SNRNP27: variants seen among roughly 807,000 people sequenced by gnomAD.
The protein encoded by SNRNP27 is U4/U6.U5 small nuclear ribonucleoprotein 27 kDa protein.
A neutral mutation model predicts 25.1 loss-of-function variants in SNRNP27; 22 were observed. The observed-to-expected ratio is 0.88, with a 90% confidence interval of 0.63 to 1.25. The LOEUF is 1.25. SNRNP27 is among the 50% of genes most tolerant of loss of function. The pLI is 0.00. For synonymous variants in SNRNP27, 66 were observed against 64.9 expected (o/e 1.02, Z -0.08); for missense variants, 150 against 202.3 (o/e 0.74, Z 1.57).
At chr2:69,898,730 G>GTGA (rs1676643755) in intron 4 of SNRNP27, among the ~76,000 whole-genome samples, 1 of 152,142 alleles carries the variant, frequency 6.6e-6, no homozygotes, top group African/African-American at 2.4e-5. Flanking sequence ...CTGTTTTGAG[G>GTGA]TGAGAAATTA....
At chr2:69,897,519 G>A in intron 4 of SNRNP27, 63 bp downstream of exon 4, 2 of 1,234,626 alleles carry the variant, frequency 1.6e-6, no homozygotes, top group Non-Finnish European at 1.2e-6. Flanking sequence ...ATCTTTCCAT[G>A]TTCTTTTCCA....
chr2:69,902,202 T>TCCTCCTC (rs1315039305), intron 4 of SNRNP27, among the ~76,000 whole-genome samples: 9 of 150,560 alleles, frequency 6.0e-5, no homozygotes, highest in South Asian at 4.2e-4. Context: ...CCTTCCTCCT[T>TCCTCCTC]CCTCCTTCCT....
Position 69,903,983 on chromosome 2 carries a change from AT to A in SNRNP27, c.414-261del, listed in dbSNP as rs903936936. Among the ~76,000 whole-genome samples the A allele has an allele frequency of 1.7e-3, 248 of 150,284 alleles. 1 individual carries two copies. The highest frequency in any genetic ancestry group is 3.4e-3 in the Middle Eastern group (1 of 292). On this transcript the variant is annotated intron_variant, in intron 5 of 5. Transcript: ENST00000244227. ...TAAAATAAATAAGGATTTTCAATTG[AT>A]TTTTTTTTTAAGTCTGTAAATCTTC... is the stretch of plus-strand genomic sequence containing the variant.
At position 69,895,076 on chromosome 2, in the gene SNRNP27, T is replaced by C; in HGVS notation, c.35-18T>C. On this transcript the variant is annotated intron_variant, in intron 1 of 5. Coordinates refer to ENST00000244227, the MANE Select transcript of SNRNP27 (RefSeq NM_006857.3). ...TGAGGTAATTATCAGTTCTGCAATT[T>C]GTGTGCGTTTGCATTAGAACGTAGG... 6.2e-7 allele frequency: 1 copy of C among 1,611,360 alleles called. No homozygotes were observed. Among genetic ancestry groups the C allele is most frequent in the Non-Finnish European group, 8.5e-7 (1 of 1,179,526 alleles).
chr2:69,894,090 GT>G, intron 1 of SNRNP27, 72 bp downstream of exon 1: 3 of 1,417,118 alleles, frequency 2.1e-6, no homozygotes, highest in Non-Finnish European at 2.0e-6. Flanking sequence ...ATTTTGTTTT[GT>G]TTTTGGTAGC....
At chr2:69,896,368 T>C (rs1030430994) in intron 2 of SNRNP27, 68 bp from the exon 3 acceptor site, 1 of 1,429,394 alleles carries the variant, frequency 7.0e-7, no homozygotes, top group African/African-American at 1.4e-5. Context: ...ACCTCATGTA[T>C]ATCTGTGCTG....
chr2:69,899,065 G>T (rs1676649146), intron 4 of SNRNP27, among the ~76,000 whole-genome samples: 1 of 152,140 alleles, frequency 6.6e-6, no homozygotes, highest in Non-Finnish European at 1.5e-5. Context: ...TAGGTTTAAA[G>T]TTCCTGAAAG....
At chr2:69,902,741 C>A (rs1038596329) in intron 4 of SNRNP27, among the ~76,000 whole-genome samples, 2 of 152,038 alleles carry the variant, frequency 1.3e-5, no homozygotes, top group Non-Finnish European at 2.9e-5. Flanking sequence ...TCTTCTGCTG[C>A]TGCTGCTTCT....
intron 4 of SNRNP27, among the ~76,000 whole-genome samples, chr2:69,902,241 TCTCCTTC>T (rs927115190): frequency 6.8e-6 from 1 of 147,420 alleles, no homozygotes; most frequent in Non-Finnish European, 1.5e-5. Context: ...CCTTCTTTCT[TCTCCTTC>T]CTCCTTCCTT....
At chr2:69,896,676 G>GTTTT in intron 3 of SNRNP27, 128 bp downstream of exon 3, 23 of 675,326 alleles carry the variant, frequency 3.4e-5, no homozygotes, top group African/African-American at 5.9e-5. Flanking sequence ...GTTTTTTTTG[G>GTTTT]TTTTTTTTTT....
intron 4 of SNRNP27, 79 bp from the exon 5 acceptor site, chr2:69,903,102 C>A: frequency 8.8e-7 from 1 of 1,138,650 alleles, no homozygotes; most frequent in Non-Finnish European, 1.3e-6. Flanking sequence ...CATGCCACTG[C>A]CACCACACCT....
At chr2:69,903,305 T>A in intron 5 of SNRNP27, 60 bp downstream of exon 5, 1 of 1,135,046 alleles carries the variant, frequency 8.8e-7, no homozygotes, top group Non-Finnish European at 1.3e-6. Flanking sequence ...CTTCAAACTT[T>A]ATTATGAGAT....
intron 1 of SNRNP27, among the ~76,000 whole-genome samples, chr2:69,894,439 C>T (rs943944387): frequency 3.9e-5 from 6 of 152,016 alleles, no homozygotes; most frequent in Non-Finnish European, 8.8e-5. Context: ...TGTCACATCC[C>T]ATAACATACA....
intron 4 of SNRNP27, among the ~76,000 whole-genome samples, chr2:69,901,778 G>A (rs2104124070): frequency 6.6e-6 from 1 of 152,274 alleles, no homozygotes; most frequent in African/African-American, 2.4e-5. Context: ...CTATGATCAC[G>A]CCACTGCACT....
chr2:69,894,923 G>A (rs928008991), intron 1 of SNRNP27, among the ~76,000 whole-genome samples, 171 bp from the exon 2 acceptor site: 1 of 152,066 alleles, frequency 6.6e-6, no homozygotes, highest in African/African-American at 2.4e-5. Flanking sequence ...CTTGTGATCC[G>A]CCCGCCAGCC....
chr2:69,896,042 A>G (rs1676594491), intron 2 of SNRNP27, among the ~76,000 whole-genome samples: 1 of 151,394 alleles, frequency 6.6e-6, no homozygotes, highest in Non-Finnish European at 1.5e-5. Flanking sequence ...CCTAGGCTCA[A>G]GCAATCCTCC....
rs1331192560 is a variant in SNRNP27 at position 69,898,365 on chromosome 2, T to C, written c.348+909T>C. Among the ~76,000 whole-genome samples, 3 of 37,246 alleles carry C rather than the reference T, an allele frequency of 8.1e-5. 1 individual carries two copies. Among genetic ancestry groups the C allele is most frequent in the Non-Finnish European group, 1.3e-4 (3 of 22,548 alleles). The allele number at this position is 37,246 out of a possible 152,430, so 24.4% of individuals were successfully genotyped here. On this transcript the variant is annotated intron_variant, in intron 4 of 5. Transcript: ENST00000244227. ...AGAGGAAAAAGAGGGAGGGATTATA[T>C]AGAGGAGGGAGAGCATAGAGCGAGA...
intron 4 of SNRNP27, among the ~76,000 whole-genome samples, chr2:69,901,184 AG>A (rs68104916): frequency 0.031 from 4,557 of 147,716 alleles, 103 homozygotes; most frequent in East Asian, 0.12. Context: ...AAAAAAAAAA[AG>A]AAAGAAAGAA....
chr2:69,899,012 G>T (rs1676648283), intron 4 of SNRNP27, among the ~76,000 whole-genome samples: 1 of 152,120 alleles, frequency 6.6e-6, no homozygotes, highest in South Asian at 2.1e-4. Context: ...CAAAGAAAAT[G>T]GAATTATTTT....
Sources: gnomAD v4.1 joint callset for allele counts (sites outside exome capture counted in the v4.1 genomes callset) on GRCh38, gnomAD v4.1.1 for gene constraint, MANE v1.5 for transcripts, NCBI Gene and HGNC (gene_info 2026-07-23, HGNC 2026-07-21) for gene names.